The following ACTR3C variants were observed in gnomAD, a reference collection of about 807,000 sequenced individuals.
ACTR3C encodes the protein actin-related protein 3C.
Under a neutral mutation model 26.3 loss-of-function variants are expected in ACTR3C, and 18 were observed. That is an observed-to-expected ratio of 0.68 (90% confidence interval 0.47 to 1.01). The LOEUF is 1.01. Among genes scored for constraint, ACTR3C ranks in the 50% least tolerant of loss-of-function variants. The probability of loss-of-function intolerance (pLI) is 0.00; values close to 1 mark genes in which losing one functional copy is unlikely to be tolerated. For missense variants in ACTR3C, 184 were observed against 250.7 expected (o/e 0.73, Z 1.80); for synonymous variants, 55 against 94.5 (o/e 0.58, Z 2.42).
At chr7:150,094,798 G>A in the ACTR3C span, among the ~76,000 whole-genome samples, 2 of 150,746 alleles carry the variant, frequency 1.3e-5, no homozygotes, top group South Asian at 2.1e-4. Context: ...AGTGAGGCCC[G>A]CAGGATCTCC....
chr7:150,149,495 T>TC, the ACTR3C span, among the ~76,000 whole-genome samples: 2 of 25,418 alleles, frequency 7.9e-5, no homozygotes, highest in East Asian at 1.7e-3. Context: ...CCCTCCCCCC[T>TC]CCCCCCACCC....
chr7:150,150,263 A>G, the ACTR3C span, among the ~76,000 whole-genome samples: 1,394 of 148,168 alleles, frequency 9.4e-3, 7 homozygotes, highest in Non-Finnish European at 9.9e-3. Context: ...AGAATTTTAT[A>G]TTTCCCCATA....
the ACTR3C span, among the ~76,000 whole-genome samples, chr7:150,236,973 T>G: frequency 6.6e-6 from 1 of 151,490 alleles, no homozygotes; most frequent in African/African-American, 2.4e-5. Context: ...CAGTGGGCAG[T>G]GATAGGAATA....
At chr7:150,166,607 G>A in the ACTR3C span, among the ~76,000 whole-genome samples, 1 of 150,620 alleles carries the variant, frequency 6.6e-6, no homozygotes, top group African/African-American at 2.5e-5. Context: ...GCTGAGGCAG[G>A]AGAGTGGCTT....
chr7:150,307,789 T>C (rs905570584), intron 1 of ACTR3C, among the ~76,000 whole-genome samples: 16 of 152,164 alleles, frequency 1.1e-4, no homozygotes, highest in African/African-American at 3.6e-4. Flanking sequence ...GAAAATCCAC[T>C]TACAACCTCA....
downstream of ACTR3C, among the ~76,000 whole-genome samples, chr7:150,242,961 T>C (rs913490976): frequency 3.9e-5 from 6 of 152,330 alleles, no homozygotes; most frequent in African/African-American, 9.6e-5. Flanking sequence ...TCTTATCCTC[T>C]TTCTGGGTCC....
chr7:150,249,710 C>T (rs1481235286), intron 6 of ACTR3C, among the ~76,000 whole-genome samples: 1 of 152,214 alleles, frequency 6.6e-6, no homozygotes, highest in African/African-American at 2.4e-5. Context: ...CTGCCTCGGC[C>T]TCCCATTGTG....
the ACTR3C span, among the ~76,000 whole-genome samples, chr7:149,953,066 G>A: frequency 6.7e-6 from 1 of 150,326 alleles, no homozygotes; most frequent in East Asian, 1.9e-4. Flanking sequence ...CTATCTAGTA[G>A]CTAAATCTGT....
the ACTR3C span, among the ~76,000 whole-genome samples, chr7:150,015,174 G>A: frequency 6.6e-6 from 1 of 152,104 alleles, no homozygotes; most frequent in Non-Finnish European, 1.5e-5. Context: ...TCTCTAGGGG[G>A]ACTGGCTCCA....
chr7:150,220,880 G>A, the ACTR3C span, among the ~76,000 whole-genome samples: 1 of 152,292 alleles, frequency 6.6e-6, no homozygotes, highest in Non-Finnish European at 1.5e-5. Context: ...TGCGGACTCC[G>A]GCACCCCACC....
intron 1 of ACTR3C, among the ~76,000 whole-genome samples, chr7:150,310,192 A>G (rs1796183447): frequency 6.6e-6 from 1 of 152,060 alleles, no homozygotes; most frequent in Admixed American, 6.6e-5. Flanking sequence ...CTTTTGCCCA[A>G]TTCAAGGCCT....
the ACTR3C span, among the ~76,000 whole-genome samples, chr7:149,985,853 C>T: frequency 6.6e-6 from 1 of 152,190 alleles, no homozygotes; most frequent in Non-Finnish European, 1.5e-5. Flanking sequence ...CTCCCTATGT[C>T]CCACAGACAT....
At chr7:150,039,911 C>CT in the ACTR3C span, among the ~76,000 whole-genome samples, 5 of 132,724 alleles carry the variant, frequency 3.8e-5, no homozygotes, top group Admixed American at 2.2e-4. Flanking sequence ...GTGCCTCCTC[C>CT]CCTGCGATGA....
chr7:150,030,601 T>C, the ACTR3C span, among the ~76,000 whole-genome samples: 10 of 152,336 alleles, frequency 6.6e-5, no homozygotes, highest in East Asian at 1.9e-3. Context: ...AAAATCTTTA[T>C]TGTACAATAT....
At chr7:149,898,462 G>A in the ACTR3C span, among the ~76,000 whole-genome samples, 59 of 152,276 alleles carry the variant, frequency 3.9e-4, no homozygotes, top group African/African-American at 1.3e-3. Flanking sequence ...TCCCAACACT[G>A]TGGGAGGCTG....
Position 150,272,561 on chromosome 7 carries a change from G to A in ACTR3C, c.564+12192C>T, listed in dbSNP as rs1229561809. Among the ~76,000 whole-genome samples, 4 of 139,652 alleles carry A rather than the reference G, an allele frequency of 2.9e-5. 1 individual carries two copies. Among genetic ancestry groups the A allele is most frequent in the Admixed American group, 6.8e-5 (1 of 14,740 alleles). The allele number at this position is 139,652 out of a possible 152,430, so 91.6% of individuals were successfully genotyped here. ...GGAAAAAGCAGAAAAAAAGAGAAAC[G>A]TGAAATTACCAATAAATGTATTCTT... On this transcript the variant is annotated intron_variant, in intron 6 of 7. Coordinates refer to ENST00000683684, the MANE Select transcript of ACTR3C (RefSeq NM_001164458.2).
the ACTR3C span, among the ~76,000 whole-genome samples, chr7:149,919,156 G>A: frequency 3.9e-5 from 4 of 102,100 alleles, no homozygotes; most frequent in African/African-American, 1.7e-4. Flanking sequence ...TTAAACCCTT[G>A]TTTCATTTAA....
chr7:149,956,016 C>T, the ACTR3C span, among the ~76,000 whole-genome samples: 2 of 152,148 alleles, frequency 1.3e-5, no homozygotes, highest in East Asian at 1.9e-4. Context: ...ACCAGAAGGT[C>T]GCTGAGCTGC....
At chr7:149,941,303 C>T in the ACTR3C span, among the ~76,000 whole-genome samples, 1 of 152,158 alleles carries the variant, frequency 6.6e-6, no homozygotes, top group Non-Finnish European at 1.5e-5. Flanking sequence ...GAACTGTTCT[C>T]CTGGCACAAG....
Sources: allele counts gnomAD v4.1 joint callset (sites outside exome capture counted in the v4.1 genomes callset), GRCh38; gene constraint gnomAD v4.1.1; transcripts MANE v1.5; gene names NCBI Gene and HGNC (gene_info 2026-07-23, HGNC 2026-07-21).